Variants in MAML2 observed in about 807,000 individuals in gnomAD.
The protein encoded by MAML2 is mastermind like transcriptional coactivator 2.
MAML2 carries 22 observed loss-of-function variants against 96.1 expected under a neutral mutation model. The ratio of observed to expected loss-of-function variants is 0.23; its 90% CI spans 0.16 to 0.33. The LOEUF (loss-of-function observed/expected upper bound fraction) is 0.33. Ranked by LOEUF, MAML2 falls within the 10% of genes least tolerant of loss-of-function variation. MAML2 has a pLI of 1.00. For missense variants in MAML2, 1,367 were observed against 1,392.4 expected (o/e 0.98, Z 0.29); for synonymous variants, 561 against 521.3 (o/e 1.08, Z -1.04).
At chr11:96,280,540 TG>T (rs139306146) in intron 1 of MAML2, among the ~76,000 whole-genome samples, 290 of 152,330 alleles carry the variant, frequency 1.9e-3, no homozygotes, top group African/African-American at 6.2e-3. Flanking sequence ...GATGATTCTA[TG>T]GAAGCATGAA....
chr11:96,308,607 G>C (rs568924322), intron 1 of MAML2, among the ~76,000 whole-genome samples: 1 of 152,204 alleles, frequency 6.6e-6, no homozygotes, highest in African/African-American at 2.4e-5. Flanking sequence ...TAAACAAATG[G>C]TACTTTGCAT....
At chr11:96,216,609 G>A (rs1862053203) in intron 1 of MAML2, among the ~76,000 whole-genome samples, 1 of 152,140 alleles carries the variant, frequency 6.6e-6, no homozygotes, top group Non-Finnish European at 1.5e-5. Context: ...CAGATTACTT[G>A]TAATAAAATG....
chr11:96,028,720 G>A (rs565422896), intron 2 of MAML2, among the ~76,000 whole-genome samples: 2 of 152,204 alleles, frequency 1.3e-5, no homozygotes, highest in Admixed American at 6.5e-5. Context: ...CTGGAGAAAG[G>A]AGAAAAAAAG....
chr11:96,327,080 G>A (rs965320735), intron 1 of MAML2, among the ~76,000 whole-genome samples: 8 of 152,370 alleles, frequency 5.3e-5, no homozygotes, highest in Non-Finnish European at 1.0e-4. Flanking sequence ...TTTCGCGAGA[G>A]AAGGAGATCA....
At chr11:96,165,110 G>A (rs1861171328) in intron 1 of MAML2, among the ~76,000 whole-genome samples, 1 of 152,178 alleles carries the variant, frequency 6.6e-6, no homozygotes, top group Non-Finnish European at 1.5e-5. Flanking sequence ...TTCTAGGCAT[G>A]CATATGCACA....
intron 1 of MAML2, among the ~76,000 whole-genome samples, chr11:96,131,952 G>A (rs1860555064): frequency 6.6e-6 from 1 of 152,224 alleles, no homozygotes; most frequent in African/African-American, 2.4e-5. Context: ...AGAGGTTGCA[G>A]TGAGCCGAGA....
At chr11:96,316,263 G>A (rs1022005303) in intron 1 of MAML2, among the ~76,000 whole-genome samples, 1 of 152,106 alleles carries the variant, frequency 6.6e-6, no homozygotes, top group African/African-American at 2.4e-5. Context: ...CACTCTGGTG[G>A]GTACTGCAGA....
chr11:96,082,276 G>A (rs1270632349), intron 2 of MAML2, among the ~76,000 whole-genome samples: 5 of 152,170 alleles, frequency 3.3e-5, no homozygotes, highest in African/African-American at 9.7e-5. Flanking sequence ...AGCCCTCCAG[G>A]AGTTCACAGT....
At chr11:96,307,809 C>G (rs1863485638) in intron 1 of MAML2, among the ~76,000 whole-genome samples, 1 of 152,144 alleles carries the variant, frequency 6.6e-6, no homozygotes, top group Non-Finnish European at 1.5e-5. Context: ...CACAAATCCC[C>G]TAAAATGATA....
intron 1 of MAML2, among the ~76,000 whole-genome samples, chr11:96,266,734 T>C (rs1264433527): frequency 6.6e-6 from 1 of 152,234 alleles, no homozygotes; most frequent in African/African-American, 2.4e-5. Context: ...GGTGCTTAAA[T>C]GGTAGGATGT....
At chr11:96,146,502 C>T (rs1591038829) in intron 1 of MAML2, among the ~76,000 whole-genome samples, 1 of 152,178 alleles carries the variant, frequency 6.6e-6, no homozygotes, top group African/African-American at 2.4e-5. Context: ...AGATATATCA[C>T]CTGCCAGCTG....
intron 3 of MAML2, among the ~76,000 whole-genome samples, chr11:95,987,414 A>G (rs1248994054): frequency 2.0e-5 from 3 of 152,340 alleles, no homozygotes; most frequent in African/African-American, 7.2e-5. Flanking sequence ...GGTATGGATC[A>G]GGGAGTTTTT....
intron 1 of MAML2, among the ~76,000 whole-genome samples, chr11:96,180,038 G>T (rs1452836622): frequency 6.6e-6 from 1 of 152,216 alleles, no homozygotes; most frequent in Non-Finnish European, 1.5e-5. Flanking sequence ...TCGAAACTAA[G>T]AAACCATGAC....
At chr11:96,085,408 T>C (rs1435772112) in intron 2 of MAML2, among the ~76,000 whole-genome samples, 2 of 152,160 alleles carry the variant, frequency 1.3e-5, no homozygotes, top group Non-Finnish European at 2.9e-5. Context: ...TAAATGGGTT[T>C]TTGCCTCCTT....
intron 1 of MAML2, among the ~76,000 whole-genome samples, chr11:96,278,008 T>C (rs1040542587): frequency 1.3e-5 from 2 of 151,752 alleles, no homozygotes; most frequent in Non-Finnish European, 2.9e-5. Flanking sequence ...AACAGAATGC[T>C]AAGCCCCATC....
intron 1 of MAML2, among the ~76,000 whole-genome samples, chr11:96,133,581 T>C (rs1860579729): frequency 6.6e-6 from 1 of 152,214 alleles, no homozygotes; most frequent in Non-Finnish European, 1.5e-5. Context: ...ATAAAAATAT[T>C]AAAATATGGA....
chr11:96,108,718 G>C (rs1476462427), intron 1 of MAML2, among the ~76,000 whole-genome samples: 1 of 152,098 alleles, frequency 6.6e-6, no homozygotes, highest in African/African-American at 2.4e-5. Flanking sequence ...TCATTTTATA[G>C]ATGAGAAAAA....
chr11:96,187,674 AC>A (rs952343017), intron 1 of MAML2, among the ~76,000 whole-genome samples: 3 of 151,822 alleles, frequency 2.0e-5, no homozygotes. Flanking sequence ...TGTGACTGGA[AC>A]CCCAGCTACT....
intron 1 of MAML2, among the ~76,000 whole-genome samples, chr11:96,284,623 G>T (rs1297155971): frequency 6.6e-6 from 1 of 152,138 alleles, no homozygotes; most frequent in Non-Finnish European, 1.5e-5. Flanking sequence ...ACACCATTTG[G>T]TTTGGCTTAC....
Sources: allele counts gnomAD v4.1 joint callset (sites outside exome capture counted in the v4.1 genomes callset), GRCh38; gene constraint gnomAD v4.1.1; transcripts MANE v1.5; gene names NCBI Gene and HGNC (gene_info 2026-07-23, HGNC 2026-07-21).